Variants in FARP1 observed in about 807,000 individuals in gnomAD.
FARP1 encodes FERM, ARHGEF and pleckstrin domain-containing protein 1.
A neutral mutation model predicts 128.8 loss-of-function variants in FARP1; 52 were observed. The observed-to-expected ratio is 0.40, with a 90% CI of 0.32 to 0.51. The LOEUF is 0.51. FARP1 is among the 20% of genes least tolerant of loss of function. The pLI is 0.45. For synonymous variants in FARP1, 580 were observed against 551.8 expected (o/e 1.05, Z -0.72); for missense variants, 1,333 against 1,367.9 (o/e 0.97, Z 0.40).
At chr13:98,340,475 G>C (rs1392044686) in intron 2 of FARP1, among the ~76,000 whole-genome samples, 1 of 152,026 alleles carries the variant, frequency 6.6e-6, no homozygotes, top group Non-Finnish European at 1.5e-5. Flanking sequence ...CTCCTGAGTA[G>C]CTGGGATTAC....
At position 98,290,001 on chromosome 13, in the gene FARP1, A is replaced by ATTT. The variant is rs1885373807; in HGVS notation, c.172-53759_172-53757dup. On this transcript the variant is annotated intron_variant, in intron 2 of 26. Coordinates refer to ENST00000319562, the MANE Select transcript of FARP1 (RefSeq NM_005766.4). ...GCGTACTTCTCCCCACAACACCCCC[A>ATTT]TTTTACACCTTTCAGTACAACTCTG... Among the ~76,000 whole-genome samples, 2 of 150,596 alleles carry ATTT rather than the reference A, an allele frequency of 1.3e-5. 1 individual carries two copies. Among genetic ancestry groups the ATTT allele is most frequent in the South Asian group, 4.2e-4 (2 of 4,734 alleles).
At chr13:98,281,705 T>G (rs146217307) in intron 2 of FARP1, among the ~76,000 whole-genome samples, 17 of 152,242 alleles carry the variant, frequency 1.1e-4, no homozygotes, top group African/African-American at 4.1e-4. Flanking sequence ...GATGAGTCTT[T>G]GGCATTTGAC....
intron 24 of FARP1, among the ~76,000 whole-genome samples, chr13:98,444,125 C>T (rs929856555): frequency 1.3e-5 from 2 of 151,828 alleles, no homozygotes; most frequent in African/African-American, 4.8e-5. Flanking sequence ...GGGTCCCCGA[C>T]TCCACCCATG....
At chr13:98,384,561 A>G (rs1890025461) in intron 6 of FARP1, 169 bp from the exon 7 acceptor site, 1 of 607,934 alleles carries the variant, frequency 1.6e-6, no homozygotes, top group South Asian at 2.0e-5. Context: ...ACCACAATTG[A>G]TAAATGTATC....
At chr13:98,381,838 T>C (rs1889897749) in intron 6 of FARP1, among the ~76,000 whole-genome samples, 1 of 152,178 alleles carries the variant, frequency 6.6e-6, no homozygotes, top group Admixed American at 6.5e-5. Flanking sequence ...GATGTGACAC[T>C]TTCAGCATAA....
intron 11 of FARP1, among the ~76,000 whole-genome samples, chr13:98,391,088 C>T (rs1247761647): frequency 6.6e-6 from 1 of 152,000 alleles, no homozygotes; most frequent in African/African-American, 2.4e-5. Flanking sequence ...GAGATGAGAA[C>T]AGACAGAAAG....
At chr13:98,411,068 A>T (rs1891172107) in intron 15 of FARP1, among the ~76,000 whole-genome samples, 1 of 152,220 alleles carries the variant, frequency 6.6e-6, no homozygotes, top group African/African-American at 2.4e-5. Flanking sequence ...GAGAAAATTA[A>T]AATTAAACAT....
At chr13:98,404,635 A>AT (rs1264121312) in intron 13 of FARP1, 3 of 152,240 alleles carry the variant, frequency 2.0e-5, no homozygotes, top group Non-Finnish European at 4.4e-5. Flanking sequence ...TTTTGAGCAT[A>AT]TTCTGGGCAC....
At chr13:98,187,104 A>G (rs116723185) in intron 1 of FARP1, among the ~76,000 whole-genome samples, 7,955 of 150,288 alleles carry the variant, frequency 0.053, 277 homozygotes, top group African/African-American at 0.092. Flanking sequence ...GAATCACTGT[A>G]TCGTATGGCA....
At chr13:98,256,948 G>GGT (rs59128917) in intron 2 of FARP1, among the ~76,000 whole-genome samples, 7,162 of 76,688 alleles carry the variant, frequency 0.093, 1,354 homozygotes, top group Non-Finnish European at 0.13. Flanking sequence ...TATATATGTG[G>GGT]ATATATATAT....
At chr13:98,325,121 G>C (rs898983448) in intron 2 of FARP1, among the ~76,000 whole-genome samples, 2 of 152,188 alleles carry the variant, frequency 1.3e-5, no homozygotes, top group African/African-American at 4.8e-5. Flanking sequence ...TAAGTAGTCC[G>C]TAAGGAAGAC....
intron 2 of FARP1, chr13:98,245,036 G>A (rs530540108): frequency 2.8e-5 from 30 of 1,064,728 alleles, no homozygotes; most frequent in Non-Finnish European, 3.4e-5. Context: ...ACCAAAGAGA[G>A]GGATTTGGTT....
intron 2 of FARP1, among the ~76,000 whole-genome samples, chr13:98,331,307 A>T (rs1887500613): frequency 6.6e-6 from 1 of 151,986 alleles, no homozygotes; most frequent in African/African-American, 2.4e-5. Flanking sequence ...ATTTTGTCCT[A>T]CTCTAGCAAG....
chr13:98,213,494 G>C lies in FARP1; in HGVS notation c.171+81G>C, dbSNP rs1007860200. The C allele has an allele frequency of 7.7e-5, 111 of 1,434,732 alleles. 1 individual carries two copies. The highest frequency in any genetic ancestry group is 2.1e-5 in the Non-Finnish European group (22 of 1,054,000). 88.9% of individuals were successfully genotyped at this position (1,434,732 alleles called of 1,614,324 possible). ...TGAGGAGGTTCGGCTCATTCCCATG[G>C]CCAGTGACATGAGGCGGCTGGAGGT... On this transcript the variant is annotated intron_variant, in intron 2 of 26. Coordinates refer to ENST00000319562, the MANE Select transcript of FARP1 (RefSeq NM_005766.4).
intron 2 of FARP1, among the ~76,000 whole-genome samples, chr13:98,260,170 G>A (rs1372370017): frequency 6.6e-6 from 1 of 152,092 alleles, no homozygotes; most frequent in East Asian, 1.9e-4. Context: ...CCCTCGTCAA[G>A]TTTCCTAATA....
intron 1 of FARP1, among the ~76,000 whole-genome samples, chr13:98,164,081 T>C (rs1476445240): frequency 1.3e-5 from 2 of 151,746 alleles, no homozygotes; most frequent in African/African-American, 4.8e-5. Context: ...TGCTTGACTG[T>C]ACCTCCATGA....
At chr13:98,427,174 T>A (rs1463412918) in intron 17 of FARP1, among the ~76,000 whole-genome samples, 2 of 151,742 alleles carry the variant, frequency 1.3e-5, no homozygotes, top group African/African-American at 2.4e-5. Flanking sequence ...CACCTATTCA[T>A]CCCCCTTAGA....
chr13:98,290,373 A>C (rs1176625772), intron 2 of FARP1, among the ~76,000 whole-genome samples: 1 of 151,980 alleles, frequency 6.6e-6, no homozygotes, highest in Admixed American at 6.5e-5. Flanking sequence ...CCTATGGGAA[A>C]TGACCTCAAA....
chr13:98,373,452 A>T (rs1337961806), intron 5 of FARP1, among the ~76,000 whole-genome samples: 3 of 151,654 alleles, frequency 2.0e-5, no homozygotes, highest in African/African-American at 7.3e-5. Flanking sequence ...GATAGTTTGT[A>T]TTCCCACCTC....
Sources: allele counts gnomAD v4.1 joint callset (sites outside exome capture counted in the v4.1 genomes callset), GRCh38; gene constraint gnomAD v4.1.1; transcripts MANE v1.5; gene names NCBI Gene and HGNC (gene_info 2026-07-23, HGNC 2026-07-21).